Variants in SLC4A7 observed in about 807,000 individuals in gnomAD.
SLC4A7 encodes the protein sodium bicarbonate cotransporter 3.
A neutral mutation model predicts 137.6 loss-of-function variants in SLC4A7; 51 were observed. The observed-to-expected ratio is 0.37, with a 90% CI of 0.30 to 0.47. The LOEUF (loss-of-function observed/expected upper bound fraction) is 0.47, where lower values mean the gene tolerates loss of function less well. Ranked by LOEUF, SLC4A7 falls within the 20% of genes least tolerant of loss-of-function variation. The pLI, the probability that SLC4A7 is intolerant of heterozygous loss-of-function variation, is 1.00. For missense variants in SLC4A7, 1,247 were observed against 1,525.4 expected (o/e 0.82, Z 3.04); for synonymous variants, 542 against 518.6 (o/e 1.05, Z -0.61).
intron 3 of SLC4A7, among the ~76,000 whole-genome samples, chr3:27,442,447 T>C (rs1335960074): frequency 1.3e-5 from 2 of 151,840 alleles, no homozygotes; most frequent in Non-Finnish European, 2.9e-5. Context: ...TTTTCTTTTT[T>C]TTTTTTTTTT....
intron 8 of SLC4A7, 144 bp downstream of exon 8, chr3:27,423,893 A>G (rs867246702): frequency 5.3e-6 from 3 of 570,548 alleles, no homozygotes; most frequent in South Asian, 2.4e-5. Flanking sequence ...TTAAATTAAC[A>G]TATCACAGAC....
chr3:27,430,703 G>T (rs2056187813), intron 7 of SLC4A7, among the ~76,000 whole-genome samples: 1 of 151,544 alleles, frequency 6.6e-6, no homozygotes, highest in Non-Finnish European at 1.5e-5. Context: ...TGGTGGCTCA[G>T]TCCTGTAGTC....
intron 1 of SLC4A7, among the ~76,000 whole-genome samples, chr3:27,465,678 A>G (rs1277168106): frequency 6.6e-6 from 1 of 152,012 alleles, no homozygotes; most frequent in African/African-American, 2.4e-5. Flanking sequence ...TACAGGAATT[A>G]GGCCGGCACC....
intron 13 of SLC4A7, among the ~76,000 whole-genome samples, chr3:27,407,175 T>C (rs919257111): frequency 5.3e-5 from 8 of 151,400 alleles, no homozygotes; most frequent in Non-Finnish European, 1.2e-4. Context: ...GTTACCTGTC[T>C]TTTCCCCTAA....
At chr3:27,410,055 A>G (rs1024124199) in intron 12 of SLC4A7, among the ~76,000 whole-genome samples, 2 of 152,208 alleles carry the variant, frequency 1.3e-5, no homozygotes, top group Admixed American at 6.5e-5. Flanking sequence ...CAATCGTATA[A>G]AAGGGGGAAA....
intron 22 of SLC4A7, among the ~76,000 whole-genome samples, chr3:27,386,817 A>ACATTT (rs1453862067): frequency 3.9e-5 from 6 of 152,194 alleles, no homozygotes; most frequent in South Asian, 2.1e-4. Context: ...ATACTCTTTT[A>ACATTT]CATTTTCCAC....
intron 1 of SLC4A7, among the ~76,000 whole-genome samples, chr3:27,470,777 C>T (rs187335363): frequency 3.9e-5 from 6 of 152,008 alleles, no homozygotes; most frequent in Admixed American, 3.3e-4. Context: ...CCCGTCTCTA[C>T]TAAAAATACA....
chr3:27,439,980 A>G (rs1262441683), intron 3 of SLC4A7, among the ~76,000 whole-genome samples: 1 of 152,190 alleles, frequency 6.6e-6, no homozygotes, highest in Non-Finnish European at 1.5e-5. Flanking sequence ...ACCTATTTAG[A>G]TAGTTGTATT....
Position 27,484,278 on chromosome 3 carries a change from C to A in SLC4A7, c.-152G>T, listed in dbSNP as rs533514777. 46 of 490,848 alleles carry A rather than the reference C, an allele frequency of 9.4e-5. No individual in the cohort carries two copies. Among genetic ancestry groups the A allele is most frequent in the African/African-American group, 7.7e-4 (38 of 49,566 alleles). 30.4% of individuals were successfully genotyped at this position (490,848 alleles called of 1,614,324 possible). On this transcript the variant is annotated 5_prime_UTR_variant, in exon 1 of 26. Transcript: ENST00000454389. ...GCGAGGTGTGCGCGCGTGGGGAGAG[C>A]CGGGCGCCGGGCGCGGGAGACGCGG...
intron 8 of SLC4A7, chr3:27,422,804 C>A (rs1160032074): frequency 4.4e-6 from 2 of 456,018 alleles, no homozygotes; most frequent in African/African-American, 4.0e-5. Context: ...AGTCCCACAC[C>A]CAGTGTGCCA....
intron 1 of SLC4A7, among the ~76,000 whole-genome samples, chr3:27,459,889 T>C (rs2058598219): frequency 6.6e-6 from 1 of 151,644 alleles, no homozygotes; most frequent in Non-Finnish European, 1.5e-5. Flanking sequence ...TTAAACAGTA[T>C]CTTTCCACAA....
chr3:27,382,929 G>A (rs916759336), intron 24 of SLC4A7, among the ~76,000 whole-genome samples: 38 of 152,222 alleles, frequency 2.5e-4, no homozygotes, highest in African/African-American at 8.4e-4. Context: ...TGGCATGGAA[G>A]TTAGTTTAAG....
At chr3:27,416,222 C>A (rs2054373315) in intron 11 of SLC4A7, among the ~76,000 whole-genome samples, 1 of 152,162 alleles carries the variant, frequency 6.6e-6, no homozygotes, top group African/African-American at 2.4e-5. Flanking sequence ...GAGCAACACA[C>A]AGCATTTTAC....
chr3:27,402,652 T>C (rs987002703), intron 15 of SLC4A7, among the ~76,000 whole-genome samples: 3 of 151,660 alleles, frequency 2.0e-5, no homozygotes, highest in Non-Finnish European at 2.9e-5. Flanking sequence ...TTAGCTGAGA[T>C]TGTGGCACTG....
Position 27,403,161 on chromosome 3 carries a change from A to G in SLC4A7, c.2299T>C (p.Leu767=), listed in dbSNP as rs1280227907. The stretch of plus-strand genomic sequence containing the variant: ...TACGAGTAGCTGGTCAGTTTATCTA[A>G]GTTGTTGTGCATATTAAATGCATAT... ...ETYAFNMHNN[L]DKLTSYSCVC... is the part of the protein sequence containing the mutation. Residue 767 remains leucine (L), a synonymous_variant, in exon 15 of 26, where the codon TTA becomes CTA. Coordinates refer to ENST00000454389, the MANE Select transcript of SLC4A7 (RefSeq NM_001321103.2). 2 of 1,611,022 alleles carry G rather than the reference A, an allele frequency of 1.2e-6. No homozygotes were observed. Among genetic ancestry groups the G allele is most frequent in the Non-Finnish European group, 1.7e-6 (2 of 1,179,146 alleles).
intron 7 of SLC4A7, among the ~76,000 whole-genome samples, chr3:27,426,472 G>C (rs2055635766): frequency 6.6e-6 from 1 of 152,106 alleles, no homozygotes; most frequent in African/African-American, 2.4e-5. Flanking sequence ...ACGCAGCTGA[G>C]CATTACATAC....
In SLC4A7 at chr3:27,394,499, G is replaced by A. The variant is rs938335354; in HGVS notation, c.3117+19C>T. 10 of 1,598,644 alleles carry A rather than the reference G, an allele frequency of 6.3e-6. No homozygotes were observed. Among genetic ancestry groups the A allele is most frequent in the Admixed American group, 1.7e-5 (1 of 58,662 alleles). ...ATGTTATAATAAGATTGTAAAACACGGCAATAAAGAAATTTTACCTTTAGG... is the reference window on the plus strand; with the variant it reads ...ATGTTATAATAAGATTGTAAAACACAGCAATAAAGAAATTTTACCTTTAGG... On this transcript the variant is annotated intron_variant, in intron 20 of 25. Coordinates refer to ENST00000454389, the MANE Select transcript of SLC4A7 (RefSeq NM_001321103.2).
chr3:27,409,281 A>C, intron 13 of SLC4A7, 75 bp downstream of exon 13: 1 of 1,153,830 alleles, frequency 8.7e-7, no homozygotes, highest in Non-Finnish European at 1.2e-6. Flanking sequence ...AAAAGTATGA[A>C]TAGTGAGACA....
Position 27,433,850 on chromosome 3 carries a change from G to C in SLC4A7, c.778+66C>G, listed in dbSNP as rs747480215. 12 of 1,340,088 alleles carry C rather than the reference G, an allele frequency of 9.0e-6. No homozygotes were observed. In the East Asian group the frequency reaches 2.3e-4, roughly 26 times the overall value. The allele number at this position is 1,340,088 out of a possible 1,614,324, so 83.0% of individuals were successfully genotyped here. A position where few individuals can be genotyped will look rare whatever the true frequency, so the allele number is the denominator to read the frequency against. On this transcript the variant is annotated intron_variant, in intron 6 of 25. Transcript: ENST00000454389. ...GTTTAAATATCCCCAAATGTTAATC[G>C]TAACATACTGGAAAGCTGTTACAGT...
Sources: allele counts gnomAD v4.1 joint callset (sites outside exome capture counted in the v4.1 genomes callset), GRCh38; gene constraint gnomAD v4.1.1; transcripts MANE v1.5; gene names NCBI Gene and HGNC (gene_info 2026-07-23, HGNC 2026-07-21).